Variants in TAB1 observed in about 807,000 individuals in gnomAD.
TAB1 encodes TGF-beta activated kinase 1 (MAP3K7) binding protein 1, also known as TGF-beta-activated kinase 1 and MAP3K7-binding protein 1.
A neutral mutation model predicts 54.5 loss-of-function variants in TAB1; 30 were observed. The observed-to-expected ratio is 0.55, with a 90% CI of 0.41 to 0.75. The LOEUF (loss-of-function observed/expected upper bound fraction) is 0.75, where lower values mean the gene tolerates loss of function less well. Among genes scored for constraint, TAB1 ranks in the 30% least tolerant of loss-of-function variants. The pLI, the probability that TAB1 is intolerant of heterozygous loss-of-function variation, is 0.00. For synonymous variants in TAB1, 289 were observed against 286.9 expected (o/e 1.01, Z -0.07); for missense variants, 609 against 683.2 (o/e 0.89, Z 1.21).
In TAB1 at chr22:39,428,094, C is replaced by A. The variant is rs377249380; in HGVS notation, c.1218C>A (p.Thr406=). The A allele has an allele frequency of 1.9e-6, 3 of 1,613,748 alleles. No homozygotes were observed. The African/African-American group carries it at 4.0e-5, about 22-fold the overall frequency. Residue 406 remains threonine, a synonymous_variant, in exon 10 of 11, where the codon ACC becomes ACA. Coordinates refer to ENST00000216160, the MANE Select transcript of TAB1 (RefSeq NM_006116.3). Reference sequence around the variant, plus strand: ...AGAGCACCAGCAAGACCAGCGTGACCCTCTCCCTTGTCATGCCCTCCCAGG... The same window carrying A: ...AGAGCACCAGCAAGACCAGCGTGACACTCTCCCTTGTCATGCCCTCCCAGG... ...SAQSTSKTSV[T]LSLVMPSQGQ...
At position 39,426,908 on chromosome 22, in the gene TAB1, C is replaced by T. The variant is rs969696872; in HGVS notation, c.1127C>T (p.Thr376Ile). The T allele has an allele frequency of 2.5e-6, 4 of 1,611,896 alleles. No individual in the cohort carries two copies. Among genetic ancestry groups the T allele is most frequent in the Non-Finnish European group, 2.5e-6 (3 of 1,179,856 alleles). ...GYPLGEMSQP[T>I]PSPAPAAGGR... ...CCGCTGGGCGAAATGAGCCAGCCCA[C>T]ACCGAGCCCAGCCCCAGGTACGTGT... Residue 376 changes from threonine to isoleucine, a missense_variant, in exon 9 of 11, where the codon ACA becomes ATA. Coordinates refer to ENST00000216160, the MANE Select transcript of TAB1 (RefSeq NM_006116.3).
In TAB1 at chr22:39,430,442, C is replaced by T; in HGVS notation, c.*220C>T. ...CCCGGGAAGCTGAAGGCCACTTCCT[C>T]CCAGATGGCCTCAGCCAGGACCATC... is the stretch of plus-strand genomic sequence containing the variant. On this transcript the variant is annotated 3_prime_UTR_variant, in exon 11 of 11. Coordinates refer to ENST00000216160, the MANE Select transcript of TAB1 (RefSeq NM_006116.3). 1.4e-6 allele frequency: 2 copies of T among 1,421,926 alleles called. No individual in the cohort carries two copies. The highest frequency in any genetic ancestry group is 1.8e-6 in the Non-Finnish European group (2 of 1,088,802). The allele number at this position is 1,421,926 out of a possible 1,614,324, so 88.1% of individuals were successfully genotyped here.
intron 6 of TAB1, 127 bp from the exon 7 acceptor site, chr22:39,419,391 TG>T: frequency 1.4e-6 from 1 of 700,936 alleles, no homozygotes; most frequent in Non-Finnish European, 2.3e-6. Flanking sequence ...CCAGGTGCCC[TG>T]GTGTTGTCTT....
downstream of TAB1, chr22:39,433,021 C>T (rs761141614): frequency 1.3e-5 from 13 of 985,440 alleles, no homozygotes; most frequent in Admixed American, 6.1e-5. Flanking sequence ...CCCCAGGTGG[C>T]GTCTGACACA....
intron 8 of TAB1, among the ~76,000 whole-genome samples, chr22:39,424,438 C>CTTTTTTTTTTTTTTTTT (rs762665225): frequency 1.1e-5 from 1 of 89,472 alleles, no homozygotes. Context: ...GTTCTGATTT[C>CTTTTTTTTTTTTTTTTT]TTTTTTTTTT....
intron 9 of TAB1, 71 bp downstream of exon 9, chr22:39,426,996 C>A: frequency 6.7e-7 from 1 of 1,494,286 alleles, no homozygotes; most frequent in East Asian, 2.3e-5. Context: ...GCAGAGCCCC[C>A]GAGGCTGCTT....
intron 4 of TAB1, 110 bp downstream of exon 4, chr22:39,416,987 G>A: frequency 9.7e-7 from 1 of 1,028,836 alleles, no homozygotes; most frequent in Non-Finnish European, 1.5e-6. Context: ...CAGGCGTTAG[G>A]GAGCAGTTCC....
downstream of TAB1, chr22:39,433,856 G>T: frequency 2.0e-6 from 2 of 981,866 alleles, no homozygotes; most frequent in Non-Finnish European, 2.4e-6. Context: ...GCCCCCTCTG[G>T]AAAGAGCCCT....
chr22:39,400,537 C>A (rs915258882), intron 1 of TAB1, among the ~76,000 whole-genome samples: 3 of 152,350 alleles, frequency 2.0e-5, no homozygotes, highest in Admixed American at 6.5e-5. Flanking sequence ...TCTTCAGACT[C>A]ATCCCTACCC....
At chr22:39,433,950 C>T (rs1376134345), downstream of TAB1, 4 of 431,310 alleles carry the variant, frequency 9.3e-6, no homozygotes, top group Non-Finnish European at 1.2e-5. Flanking sequence ...GTATCCGTGT[C>T]GCCTCTCGCC....
Position 39,418,814 on chromosome 22 carries a change from C to G in TAB1, c.633C>G (p.Asn211Lys), listed in dbSNP as rs777341316. Residue 211 changes from asparagine (N) to lysine (K), a missense_variant, in exon 6 of 11, where the codon AAC becomes AAG. Physicochemically the swap from Asn to Lys is moderately conservative, Grantham distance 94. Coordinates refer to ENST00000216160, the MANE Select transcript of TAB1 (RefSeq NM_006116.3). ...TGAACGTGGACCACACCACAGAGAACGAGGATGAGCTCTTCCGTCTTTCGC... is the reference window on the plus strand; with the variant it reads ...TGAACGTGGACCACACCACAGAGAAGGAGGATGAGCTCTTCCGTCTTTCGC... ...TQLNVDHTTE[N>K]EDELFRLSQL... The G allele has an allele frequency of 1.2e-6, 2 of 1,614,080 alleles. No homozygotes were observed. The highest frequency in any genetic ancestry group is 1.1e-5 in the South Asian group (1 of 91,076).
rs1385140016 is a variant in TAB1 at position 39,416,513 on chromosome 22, TC to T, written c.325-276del. 2.6e-5 allele frequency among the ~76,000 whole-genome samples: 4 copies of T among 152,254 alleles called. No homozygotes were observed. In the South Asian group the frequency reaches 6.2e-4, roughly 24 times the overall value. Reference sequence around the variant, plus strand: ...CTACGCCAAGCCTTTGCTCTTAGCTTCCGCACTGTCTCCTGCCTCCCAGCCG... The same window carrying T: ...CTACGCCAAGCCTTTGCTCTTAGCTTCGCACTGTCTCCTGCCTCCCAGCCG... On this transcript the variant is annotated intron_variant, in intron 3 of 10. Coordinates refer to ENST00000216160, the MANE Select transcript of TAB1 (RefSeq NM_006116.3).
In TAB1 at chr22:39,421,983, C is replaced by T. The variant is rs1301682898; in HGVS notation, c.921+12C>T. The T allele has an allele frequency of 6.6e-7, 1 of 1,518,630 alleles. No individual in the cohort carries two copies. The highest frequency in any genetic ancestry group is 8.8e-7 in the Non-Finnish European group (1 of 1,137,126). The allele number at this position is 1,518,630 out of a possible 1,614,324, so 94.1% of individuals were successfully genotyped here. On this transcript the variant is annotated intron_variant, in intron 8 of 10. Transcript: ENST00000216160. ...GGCAGGCCAACCAGGTGAGTTGGGCCCAGCCACGCCCATGGCCGGAGAGCG... is the reference window on the plus strand; with the variant it reads ...GGCAGGCCAACCAGGTGAGTTGGGCTCAGCCACGCCCATGGCCGGAGAGCG...
chr22:39,432,791 G>A (rs1002398444), downstream of TAB1: 6 of 985,406 alleles, frequency 6.1e-6, no homozygotes, highest in Admixed American at 6.2e-5. Context: ...GCGCTGCACT[G>A]TTGACTTTAT....
At chr22:39,417,639 A>T in intron 4 of TAB1, 72 bp from the exon 5 acceptor site, 1 of 1,432,496 alleles carries the variant, frequency 7.0e-7, no homozygotes. Flanking sequence ...AAAAAAGAGT[A>T]AAGGGAGTGG....
downstream of TAB1, among the ~76,000 whole-genome samples, chr22:39,434,690 C>T (rs898337455): frequency 5.9e-5 from 9 of 152,234 alleles, no homozygotes; most frequent in Admixed American, 1.3e-4. Context: ...TCCATTCCTA[C>T]CTTCAGGGAC....
At chr22:39,420,541 C>A (rs1402561234) in intron 7 of TAB1, among the ~76,000 whole-genome samples, 1 of 152,194 alleles carries the variant, frequency 6.6e-6, no homozygotes, top group East Asian at 1.9e-4. Flanking sequence ...CTTGCCCTCA[C>A]GCGATCTAGG....
At chr22:39,429,579 C>T (rs1911531754) in intron 10 of TAB1, among the ~76,000 whole-genome samples, 1 of 152,168 alleles carries the variant, frequency 6.6e-6, no homozygotes, top group African/African-American at 2.4e-5. Flanking sequence ...CCAGGTTCAA[C>T]CAATTCTCCT....
chr22:39,399,935 CTCTCCGTGGTGGGGTGTGTCAGCCACCT>C (rs1235869335), intron 1 of TAB1, 100 bp downstream of exon 1: 1 of 1,313,808 alleles, frequency 7.6e-7, no homozygotes, highest in African/African-American at 1.5e-5. Context: ...GACAGCCACC[CTCTCCGTGGTGGGGTGTGTCAGCCACCT>C]TCTCCTCTCC....
Sources: gnomAD v4.1 joint callset for allele counts (sites outside exome capture counted in the v4.1 genomes callset) on GRCh38, gnomAD v4.1.1 for gene constraint, MANE v1.5 for transcripts, NCBI Gene and HGNC (gene_info 2026-07-23, HGNC 2026-07-21) for gene names.